The following ASTE1 variants were observed in gnomAD, a reference collection of about 807,000 sequenced individuals.
ASTE1 encodes the protein single-strand DNA endonuclease ASTE1.
In ASTE1, 49 loss-of-function variants were observed where a neutral mutation model predicts 45.8. The ratio of observed to expected loss-of-function variants is 1.07; its 90% CI spans 0.85 to 1.36. The LOEUF is 1.36. Ranked by LOEUF, ASTE1 falls within the 40% of genes most tolerant of loss-of-function variation. The pLI is 0.00. For missense variants in ASTE1, 709 were observed against 804.0 expected, an observed-to-expected ratio of 0.88 and a Z score of 1.43; for synonymous variants, 296 against 303.9, an observed-to-expected ratio of 0.97 and a Z score of 0.27.
chr3:131,025,967 A>C (rs1431670904), intron 1 of ASTE1, among the ~76,000 whole-genome samples: 2 of 152,094 alleles, frequency 1.3e-5, no homozygotes, highest in Non-Finnish European at 1.5e-5. Context: ...CCTAACCACG[A>C]GCTCTTTTCA....
intron 4 of ASTE1, among the ~76,000 whole-genome samples, chr3:131,017,988 AAAAAAAAAG>A (rs1013664149): frequency 6.7e-6 from 1 of 148,804 alleles, no homozygotes; most frequent in Non-Finnish European, 1.5e-5. Flanking sequence ...AAAAAAAAAA[AAAAAAAAAG>A]GACAAATTAC....
rs2063782605 is a variant in ASTE1, at chr3:131,024,506, G to A, written c.801C>T (p.Ala267=). 5 of 1,613,980 alleles carry A rather than the reference G, an allele frequency of 3.1e-6. No homozygotes were observed. In the South Asian group the frequency reaches 5.5e-5, roughly 18 times the overall value. ...LGLLNWLSHF[A]NPTEALDNVL... The stretch of plus-strand genomic sequence containing the variant: ...CATTATCTAGTGCTTCGGTAGGGTT[G>A]GCAAAATGAGACAACCAATTCAGAA... The change falls in exon 3 of 6, where the codon GCC becomes GCT. Residue 267 remains alanine, a synonymous_variant. Coordinates refer to ENST00000264992, the MANE Select transcript of ASTE1 (RefSeq NM_014065.4).
Position 131,014,259 on chromosome 3 carries a change from G to A in ASTE1, c.1838C>T (p.Ser613Leu), listed in dbSNP as rs947023459. Residue 613 changes from serine to leucine, a missense_variant, in exon 6 of 6, where the codon TCA becomes TTA. Ser to Leu is a moderately radical substitution (Grantham distance 145). Transcript: ENST00000264992. ...TAGGAATATTTCAGCGGGGGCATAT[G>A]ACCTTGTGGCATTGAATAGATATTC... ...LYEYLFNATRSYAPAEIFLPK... is the reference protein window; with the variant it reads ...LYEYLFNATRLYAPAEIFLPK... The A allele has an allele frequency of 4.3e-6, 7 of 1,613,636 alleles. No homozygotes were observed. The African/African-American group carries it at 8.0e-5, about 18-fold the overall frequency.
At chr3:131,016,889 ATGT>A in intron 4 of ASTE1, 1 of 757,234 alleles carries the variant, frequency 1.3e-6, no homozygotes, top group Non-Finnish European at 1.9e-6. Context: ...GAAATAAGGA[ATGT>A]TGTGTGTTTT....
chr3:131,016,171 G>A lies in ASTE1; in HGVS notation c.1682C>T (p.Thr561Ile), dbSNP rs1229327103. The change falls in exon 5 of 6, where the codon ACT becomes ATT. Residue 561 changes from threonine (T) to isoleucine (I), a missense_variant. Coordinates refer to ENST00000264992, the MANE Select transcript of ASTE1 (RefSeq NM_014065.4). ...AGTTAGGTCTGGCTCTGGGAGAGGA[G>A]TGGACAGCAGCTGGTTGAGATACAT... ...MGMYLNQLLS[T>I]PLPEPDLTRL... The A allele has an allele frequency of 2.5e-6, 4 of 1,614,036 alleles. No homozygotes were observed. The highest frequency in any genetic ancestry group is 3.4e-6 in the Non-Finnish European group (4 of 1,180,020).
chr3:131,023,664 T>C (rs907838231), intron 3 of ASTE1, among the ~76,000 whole-genome samples: 1 of 151,110 alleles, frequency 6.6e-6, no homozygotes, highest in Admixed American at 6.6e-5. Context: ...ATTTTTTTCC[T>C]TTTTTTTTCA....
chr3:131,017,099 G>A (rs960575242), intron 4 of ASTE1: 21 of 1,235,236 alleles, frequency 1.7e-5, no homozygotes, highest in Admixed American at 4.8e-5. Context: ...TTGGACTCAG[G>A]TAAAAACTTA....
intron 3 of ASTE1, among the ~76,000 whole-genome samples, chr3:131,019,516 C>T (rs2063714137): frequency 6.6e-6 from 1 of 152,202 alleles, no homozygotes; most frequent in South Asian, 2.1e-4. Flanking sequence ...AATAATTTTA[C>T]CTTAATGAAT....
Position 131,014,513 on chromosome 3 carries a change from C to T in ASTE1, c.1710-126G>A, listed in dbSNP as rs566341606. ...AGCTCTTATTGCTCTATAATATTAT[C>T]GAAATTACTTAAGAATAATCTGTTC... On this transcript the variant is annotated intron_variant, in intron 5 of 5. Coordinates refer to ENST00000264992, the MANE Select transcript of ASTE1 (RefSeq NM_014065.4). 6.2e-4 allele frequency: 554 copies of T among 887,322 alleles called. 1 individual carries two copies. Among genetic ancestry groups the T allele is most frequent in the Non-Finnish European group, 8.1e-4 (496 of 609,522 alleles). 55.0% of individuals were successfully genotyped at this position (887,322 alleles called of 1,614,324 possible).
intron 5 of ASTE1, chr3:131,015,288 C>T (rs1315916547): frequency 1.4e-6 from 1 of 690,936 alleles, no homozygotes; most frequent in Non-Finnish European, 2.6e-6. Context: ...ACAAGCCCCT[C>T]CCCCCACAGA....
Position 131,014,357 on chromosome 3 carries a change from T to C in ASTE1, c.1740A>G (p.Leu580=). 2 of 1,608,968 alleles carry C rather than the reference T, an allele frequency of 1.2e-6. No individual in the cohort carries two copies. Among genetic ancestry groups the C allele is most frequent in the Non-Finnish European group, 1.7e-6 (2 of 1,178,206 alleles). The change falls in exon 6 of 6, where the codon CTA becomes CTG. Residue 580 remains leucine (L), a synonymous_variant. Coordinates refer to ENST00000264992, the MANE Select transcript of ASTE1 (RefSeq NM_014065.4). Reference sequence around the variant, plus strand: ...AGGTCGATGCTAGCAGTTGCTGGCATAGTCCGTGCACCAGGCTTCCACTGT... The same window carrying C: ...AGGTCGATGCTAGCAGTTGCTGGCACAGTCCGTGCACCAGGCTTCCACTGT... ...RLYSGSLVHG[L]CQQLLASTSV... is the part of the protein sequence containing the mutation.
intron 3 of ASTE1, 109 bp from the exon 4 acceptor site, chr3:131,018,825 G>A: frequency 9.3e-7 from 1 of 1,078,536 alleles, no homozygotes; most frequent in Non-Finnish European, 1.3e-6. Context: ...TCTGTCAGCT[G>A]TTAAACTTAT....
At chr3:131,019,445 G>A (rs185693362) in intron 3 of ASTE1, among the ~76,000 whole-genome samples, 6 of 152,172 alleles carry the variant, frequency 3.9e-5, no homozygotes, top group Non-Finnish European at 5.9e-5. Context: ...ATGGTTTAGC[G>A]TGTACTTCAA....
chr3:131,018,798 T>G, intron 3 of ASTE1, 82 bp from the exon 4 acceptor site: 1 of 1,358,446 alleles, frequency 7.4e-7, no homozygotes, highest in Non-Finnish European at 1.0e-6. Flanking sequence ...ATGAAGAGAT[T>G]TAATGCTACT....
At position 131,018,615 on chromosome 3, in the gene ASTE1, G is replaced by A. The variant is rs1428381637; in HGVS notation, c.1404C>T (p.Val468=). The change falls in exon 4 of 6, where the codon GTC becomes GTT. Residue 468 remains valine (V), a synonymous_variant. Transcript: ENST00000264992. ...IPTSLKLPIA[V]SCYWLQHTET... The stretch of plus-strand genomic sequence containing the variant: ...CGGTGTGCTGCAACCAGTAGCAACT[G>A]ACAGCAATGGGCAACTTCAGTGAAG... The A allele has an allele frequency of 6.2e-7, 1 of 1,613,990 alleles. No homozygotes were observed.
At chr3:131,025,992 A>G (rs73871748) in intron 1 of ASTE1, among the ~76,000 whole-genome samples, 6,318 of 152,202 alleles carry the variant, frequency 0.042, 428 homozygotes, top group African/African-American at 0.14. Context: ...CTTATTTTGC[A>G]TATCTGGCCC....
Position 131,025,182 on chromosome 3 carries a change from C to T in ASTE1, c.125G>A (p.Ser42Asn), listed in dbSNP as rs201731253. 188 of 1,614,214 alleles carry T rather than the reference C, an allele frequency of 1.2e-4. 1 individual carries two copies. The highest frequency in any genetic ancestry group is 4.9e-4 in the Middle Eastern group (3 of 6,062). The change falls in exon 3 of 6, where the codon AGT (serine) becomes AAT (asparagine). Residue 42 changes from serine (S) to asparagine (N), a missense_variant. Transcript: ENST00000264992. ...TCCATACCGGAGATCCAAGTTTGAA[C>T]TGAAGCAAAGACGGTGGAAAAGAGC... ...GYALFHRLCF[S>N]SNLDLRYGGD...
At position 131,024,406 on chromosome 3, in the gene ASTE1, G is replaced by A; in HGVS notation, c.901C>T (p.Gln301Ter). ...AAGTCCTGTAGCTTCACCTGGGACT[G>A]TTGGTATTCTTCCATGGAACAGCAG... ...LLCCSMEEYQ[Q>*]SQVKLQDFFQ... Residue 301 changes from glutamine to a stop codon, truncating the protein, a stop_gained, in exon 3 of 6, where the codon CAG becomes TAG. Transcript: ENST00000264992. LOFTEE classifies it high-confidence loss of function. The A allele has an allele frequency of 1.2e-6, 2 of 1,614,240 alleles. No individual in the cohort carries two copies. The highest frequency in any genetic ancestry group is 1.7e-6 in the Non-Finnish European group (2 of 1,180,038).
chr3:131,023,888 G>T, intron 3 of ASTE1, 117 bp downstream of exon 3: 1 of 1,067,678 alleles, frequency 9.4e-7, no homozygotes, highest in Non-Finnish European at 1.3e-6. Context: ...ACGACATGAG[G>T]GCAAGATAGC....
Sources: gnomAD v4.1 joint callset for allele counts (sites outside exome capture counted in the v4.1 genomes callset) on GRCh38, gnomAD v4.1.1 for gene constraint, MANE v1.5 for transcripts, NCBI Gene and HGNC (gene_info 2026-07-23, HGNC 2026-07-21) for gene names.